FFAR1: variants seen among roughly 807,000 people sequenced by gnomAD.
FFAR1 encodes the protein G-protein coupled receptor 40.
For missense variants in FFAR1, 424 were observed against 396.2 expected (o/e 1.07, Z -0.60); for synonymous variants, 216 against 201.5 (o/e 1.07, Z -0.61).
At chr19:35,349,231 G>A (rs1181243183), upstream of FFAR1, among the ~76,000 whole-genome samples, 3 of 152,164 alleles carry the variant, frequency 2.0e-5, no homozygotes, top group Admixed American at 6.5e-5. Flanking sequence ...AGACGATGTC[G>A]CACTGAAGAA....
chr19:35,350,894 G>A (rs1296768884), upstream of FFAR1, among the ~76,000 whole-genome samples: 1 of 152,156 alleles, frequency 6.6e-6, no homozygotes, highest in East Asian at 1.9e-4. Flanking sequence ...CAGACCCCCA[G>A]ACCCCCTGCC....
chr19:35,351,966 G>A, exon 1 of FFAR1: 1 of 1,614,154 alleles, frequency 6.2e-7, no homozygotes, highest in Non-Finnish European at 8.5e-7. Flanking sequence ...GTGTCACCTG[G>A]GTCTGGTCTT....
chr19:35,350,848 T>G (rs2066941251), upstream of FFAR1, among the ~76,000 whole-genome samples: 1 of 152,068 alleles, frequency 6.6e-6, no homozygotes, highest in Non-Finnish European at 1.5e-5. Flanking sequence ...GGTGGGTCCC[T>G]CTCTCTGTGG....
At chr19:35,350,954 T>C (rs1978013), upstream of FFAR1, among the ~76,000 whole-genome samples, 63,254 of 151,974 alleles carry the variant, frequency 0.42, 13,208 homozygotes, top group Middle Eastern at 0.56. Context: ...GGATGGGGCC[T>C]GGCTGACCCT....
At chr19:35,352,117 T>G in exon 1 of FFAR1, 2 of 1,612,068 alleles carry the variant, frequency 1.2e-6, no homozygotes, top group Non-Finnish European at 1.7e-6. Context: ...CTCTCTCTCC[T>G]GCTCTTTTTT....
exon 1 of FFAR1, chr19:35,352,516 C>T: frequency 4.7e-6 from 7 of 1,501,856 alleles, no homozygotes; most frequent in Non-Finnish European, 5.4e-6. Context: ...CAGGCCCCTG[C>T]GGGGGGCTGC....
rs537602153 is a variant in FFAR1, at chr19:35,352,943, A to G, written c.*489A>G. On this transcript the variant is annotated 3_prime_UTR_variant, in exon 1 of 1. Coordinates refer to ENST00000246553, the Ensembl canonical transcript of FFAR1. ...CGCTGTTATACCATGTGAAACTCGC[A>G]AGGGGGCAGCCTTGGAGCTTGGAAC... 7.7e-5 allele frequency: 13 copies of G among 168,896 alleles called. No individual in the cohort carries two copies. The East Asian group carries it at 2.0e-3, about 26-fold the overall frequency. The allele number at this position is 168,896 out of a possible 1,614,324, so 10.5% of individuals were successfully genotyped here.
At chr19:35,350,459 A>G (rs924724906), upstream of FFAR1, among the ~76,000 whole-genome samples, 45 of 152,154 alleles carry the variant, frequency 3.0e-4, no homozygotes, top group African/African-American at 1.1e-3. Context: ...GGGTGCATCA[A>G]GGGTGGAGAA....
At chr19:35,348,464 T>C (rs2066930338), upstream of FFAR1, among the ~76,000 whole-genome samples, 1 of 152,136 alleles carries the variant, frequency 6.6e-6, no homozygotes, top group Non-Finnish European at 1.5e-5. Context: ...CTGAGCGTGG[T>C]GATTCACACC....
exon 1 of FFAR1, chr19:35,352,821 T>G: frequency 3.0e-6 from 1 of 328,044 alleles, no homozygotes; most frequent in Non-Finnish European, 5.8e-6. Context: ...GAACTGCCAC[T>G]CCGGTGATGC....
chr19:35,350,354 C>T (rs1172946229), upstream of FFAR1, among the ~76,000 whole-genome samples: 1 of 152,252 alleles, frequency 6.6e-6, no homozygotes, highest in Non-Finnish European at 1.5e-5. Flanking sequence ...CCTTACCCCA[C>T]ACACCCACTG....
chr19:35,351,116 G>T (rs867757996), upstream of FFAR1, among the ~76,000 whole-genome samples: 4 of 152,170 alleles, frequency 2.6e-5, no homozygotes, highest in Non-Finnish European at 4.4e-5. Flanking sequence ...GAGGGCAGTG[G>T]GCTCAGGAGT....
upstream of FFAR1, among the ~76,000 whole-genome samples, chr19:35,348,073 G>A (rs2066928465): frequency 6.6e-6 from 1 of 152,250 alleles, no homozygotes; most frequent in African/African-American, 2.4e-5. Flanking sequence ...TTAGAGGGCA[G>A]GGGTGTAATT....
exon 1 of FFAR1, chr19:35,351,704 C>T (rs947544833): frequency 5.8e-6 from 9 of 1,564,256 alleles, no homozygotes; most frequent in South Asian, 1.2e-5. Context: ...TGGGCTGCTC[C>T]GACCTGCTGC....
upstream of FFAR1, among the ~76,000 whole-genome samples, chr19:35,347,959 T>A (rs572901355): frequency 6.6e-6 from 1 of 152,358 alleles, no homozygotes; most frequent in African/African-American, 2.4e-5. Flanking sequence ...GTTCACTGAT[T>A]CAGACTTTCC....
At chr19:35,352,340 C>T in exon 1 of FFAR1, 1 of 1,552,366 alleles carries the variant, frequency 6.4e-7, no homozygotes, top group Non-Finnish European at 8.7e-7. Context: ...TGGGGCTCAT[C>T]ACGGGTGCCT....
At chr19:35,352,726 G>A in exon 1 of FFAR1, 1 of 524,028 alleles carries the variant, frequency 1.9e-6, no homozygotes, top group Non-Finnish European at 3.4e-6. Flanking sequence ...CCCTCTGCAC[G>A]TCCTCACCTG....
At chr19:35,349,334 C>T (rs557383363), upstream of FFAR1, among the ~76,000 whole-genome samples, 16 of 152,214 alleles carry the variant, frequency 1.1e-4, no homozygotes, top group Admixed American at 2.0e-4. Context: ...AAGATCCAGA[C>T]GCCAGGTGGG....
chr19:35,347,997 C>T (rs2066927859), upstream of FFAR1, among the ~76,000 whole-genome samples: 1 of 152,244 alleles, frequency 6.6e-6, no homozygotes, highest in Non-Finnish European at 1.5e-5. Flanking sequence ...CCCCTCTCCG[C>T]TTCTCGGGTT....
Sources: gnomAD v4.1 joint callset for allele counts (sites outside exome capture counted in the v4.1 genomes callset) on GRCh38, gnomAD v4.1.1 for gene constraint, MANE v1.5 for transcripts, NCBI Gene and HGNC (gene_info 2026-07-23, HGNC 2026-07-21) for gene names.